Variants in JADE1 observed in about 807,000 individuals in gnomAD.
JADE1 encodes jade family PHD finger 1.
A neutral mutation model predicts 81.8 loss-of-function variants in JADE1; 14 were observed. That is an observed-to-expected ratio of 0.17 (90% confidence interval 0.11 to 0.27). JADE1 has a LOEUF of 0.27. JADE1 is among the 10% of genes least tolerant of loss of function. The probability of loss-of-function intolerance (pLI) is 1.00; values close to 1 mark genes in which losing one functional copy is unlikely to be tolerated. For missense variants in JADE1, 690 were observed against 1,047.9 expected, an observed-to-expected ratio of 0.66 and a Z score of 4.71; for synonymous variants, 353 against 391.9, an observed-to-expected ratio of 0.90 and a Z score of 1.17.
At position 128,872,073 on chromosome 4, in the gene JADE1, C is replaced by T. The variant is rs186500004; in HGVS notation, c.2340C>T (p.Gly780=). ...CHQHSDYPYL[G]LGRVPAKERA... Reference sequence around the variant, plus strand: ...AGCACTCAGACTACCCATATTTGGGCTTAGGCCGAGTTCCAGCCAAGGAAA... The same window carrying T: ...AGCACTCAGACTACCCATATTTGGGTTTAGGCCGAGTTCCAGCCAAGGAAA... Residue 780 remains glycine (G), a synonymous_variant, in exon 11 of 11, where the codon GGC becomes GGT. Coordinates refer to ENST00000226319, the MANE Select transcript of JADE1 (RefSeq NM_199320.4). 1.1e-4 allele frequency: 185 copies of T among 1,614,124 alleles called. No homozygotes were observed. In the East Asian group the frequency reaches 3.7e-3, roughly 33 times the overall value.
intron 1 of JADE1, among the ~76,000 whole-genome samples, chr4:128,820,336 T>C (rs544143891): frequency 3.3e-5 from 5 of 152,298 alleles, no homozygotes; most frequent in Admixed American, 6.5e-5. Flanking sequence ...GGTCTTGAAC[T>C]CCTGACCTCA....
intron 1 of JADE1, chr4:128,810,318 C>G (rs1726227554): frequency 6.6e-6 from 1 of 150,500 alleles, no homozygotes; most frequent in Non-Finnish European, 1.5e-5. Context: ...TTTTTTTTTT[C>G]AAATTTGGGG....
Position 128,872,070 on chromosome 4 carries a change from G to C in JADE1, c.2337G>C (p.Leu779Phe), listed in dbSNP as rs943087922. 1.2e-6 allele frequency: 2 copies of C among 1,614,116 alleles called. No individual in the cohort carries two copies. ...ACCAGCACTCAGACTACCCATATTT[G>C]GGCTTAGGCCGAGTTCCAGCCAAGG... ...ACHQHSDYPY[L>F]GLGRVPAKER... The change falls in exon 11 of 11, where the codon TTG (leucine) becomes TTC (phenylalanine). Residue 779 changes from leucine to phenylalanine, a missense_variant. By Grantham distance (22) the Leu-to-Phe change is conservative (BLOSUM62 0). This residue lies in a region of JADE1 where 218 missense variants were observed against 274.3 expected (regional missense o/e 0.79). Coordinates refer to ENST00000226319, the MANE Select transcript of JADE1 (RefSeq NM_199320.4).
At chr4:128,854,958 G>C (rs1730665056) in intron 6 of JADE1, among the ~76,000 whole-genome samples, 1 of 152,032 alleles carries the variant, frequency 6.6e-6, no homozygotes, top group Admixed American at 6.6e-5. Context: ...TTTCTGAAAG[G>C]CTGAATTTGT....
In JADE1 at chr4:128,852,038, G is replaced by A. The variant is rs1485799103; in HGVS notation, c.485-19G>A. 3 of 1,554,578 alleles carry A rather than the reference G, an allele frequency of 1.9e-6. No homozygotes were observed. Among genetic ancestry groups the A allele is most frequent in the Non-Finnish European group, 1.8e-6 (2 of 1,126,338 alleles). On this transcript the variant is annotated intron_variant, in intron 5 of 10. Transcript: ENST00000226319. ...ATATGGATTTATTAAAATGGGTTTTGTGGCATTTTTAACTTCAGGAATGCC... is the reference window on the plus strand; with the variant it reads ...ATATGGATTTATTAAAATGGGTTTTATGGCATTTTTAACTTCAGGAATGCC...
At chr4:128,816,335 A>C (rs995200679) in intron 1 of JADE1, 4 of 152,196 alleles carry the variant, frequency 2.6e-5, no homozygotes, top group African/African-American at 9.7e-5. Context: ...ATGAGGGTGT[A>C]TGCATTATTT....
chr4:128,863,161 T>A (rs761012661), intron 9 of JADE1: 41 of 985,306 alleles, frequency 4.2e-5, no homozygotes, highest in Admixed American at 6.2e-5. Flanking sequence ...ACCTCTGGAG[T>A]CCCGTCTGGA....
chr4:128,855,915 G>C (rs1444737816), intron 7 of JADE1, 118 bp downstream of exon 7: 3 of 793,004 alleles, frequency 3.8e-6, no homozygotes, highest in Non-Finnish European at 5.7e-6. Context: ...GACCTGCTGG[G>C]CTCAAGTGAT....
At chr4:128,860,846 C>T (rs1242146150) in intron 8 of JADE1, among the ~76,000 whole-genome samples, 1 of 152,190 alleles carries the variant, frequency 6.6e-6, no homozygotes, top group Non-Finnish European at 1.5e-5. Context: ...TCACGGTTCT[C>T]CTGCCTCTCT....
At chr4:128,868,428 C>T (rs1731944147) in intron 10 of JADE1, among the ~76,000 whole-genome samples, 1 of 152,332 alleles carries the variant, frequency 6.6e-6, no homozygotes, top group South Asian at 2.1e-4. Context: ...ACTTAAGACA[C>T]AGTCCATTTT....
At position 128,872,756 on chromosome 4, in the gene JADE1, C is replaced by G. The variant is rs1055386213; in HGVS notation, c.*494C>G. The G allele has an allele frequency of 1.3e-5, 4 of 311,140 alleles. No homozygotes were observed. Among genetic ancestry groups the G allele is most frequent in the African/African-American group, 8.7e-5 (4 of 46,080 alleles). The allele number at this position is 311,140 out of a possible 1,614,324, so 19.3% of individuals were successfully genotyped here. A position where few individuals can be genotyped will look rare whatever the true frequency, so the allele number is the denominator to read the frequency against. On this transcript the variant is annotated 3_prime_UTR_variant, in exon 11 of 11. Transcript: ENST00000226319. The stretch of plus-strand genomic sequence containing the variant: ...TTGGCCCTCAAGGCTATTTTTGTTG[C>G]ATTATAGCATATAGGCAGCAGCTCT...
At chr4:128,832,266 G>A (rs1728621623) in intron 2 of JADE1, among the ~76,000 whole-genome samples, 1 of 152,178 alleles carries the variant, frequency 6.6e-6, no homozygotes, top group South Asian at 2.1e-4. Context: ...TCTTCACTTG[G>A]TTTTAATGTG....
intron 9 of JADE1, among the ~76,000 whole-genome samples, chr4:128,865,891 A>G (rs79867602): frequency 0.03 from 4,594 of 152,338 alleles, 98 homozygotes; most frequent in Middle Eastern, 0.048. Context: ...TTTCTATTAC[A>G]TGTCTGATTT....
intron 1 of JADE1, among the ~76,000 whole-genome samples, chr4:128,817,755 T>C (rs1727173106): frequency 6.6e-6 from 1 of 152,234 alleles, no homozygotes; most frequent in Non-Finnish European, 1.5e-5. Flanking sequence ...CACTTGACAC[T>C]GAAACCCATG....
intron 4 of JADE1, 40 bp from the exon 5 acceptor site, chr4:128,848,940 T>C: frequency 6.2e-7 from 1 of 1,605,912 alleles, no homozygotes; most frequent in South Asian, 1.1e-5. Context: ...TGTCTGTGGC[T>C]GAAAGGGTAA....
intron 9 of JADE1, chr4:128,862,673 A>G (rs1553951198): frequency 9.8e-7 from 1 of 1,016,602 alleles, no homozygotes; most frequent in Non-Finnish European, 1.2e-6. Context: ...AGTCCGGGGA[A>G]ACACACCTAG....
intron 2 of JADE1, among the ~76,000 whole-genome samples, chr4:128,834,157 A>C (rs1190482337): frequency 6.6e-6 from 1 of 152,160 alleles, no homozygotes; most frequent in Non-Finnish European, 1.5e-5. Flanking sequence ...TCAGCTCAGG[A>C]TGCTACAAAA....
chr4:128,862,856 G>C (rs1381296582), intron 9 of JADE1: 5 of 988,922 alleles, frequency 5.1e-6, no homozygotes, highest in Non-Finnish European at 6.0e-6. Flanking sequence ...TGTTACAGAA[G>C]ATACTCCTGG....
chr4:128,833,281 T>C (rs959485278), intron 2 of JADE1, among the ~76,000 whole-genome samples: 4 of 152,170 alleles, frequency 2.6e-5, no homozygotes, highest in African/African-American at 9.7e-5. Flanking sequence ...TTTTACTCCT[T>C]GAGGCAAAAA....
Sources: gnomAD v4.1 joint callset for allele counts (sites outside exome capture counted in the v4.1 genomes callset) on GRCh38, gnomAD v4.1.1 for gene constraint, gnomAD v4.1.1 regional missense constraint, MANE v1.5 for transcripts, NCBI Gene and HGNC (gene_info 2026-07-23, HGNC 2026-07-21) for gene names.